SEMA4F: variants seen among roughly 807,000 people sequenced by gnomAD.
SEMA4F encodes the protein semaphorin-4F.
SEMA4F carries 51 observed loss-of-function variants against 78.4 expected under a neutral mutation model. The ratio of observed to expected loss-of-function variants is 0.65; its 90% confidence interval spans 0.52 to 0.82. The LOEUF is 0.82. Ranked by LOEUF, SEMA4F falls within the 40% of genes least tolerant of loss-of-function variation. The probability of loss-of-function intolerance (pLI) is 0.00; values close to 1 mark genes in which losing one functional copy is unlikely to be tolerated. For missense variants in SEMA4F, 938 were observed against 1,014.4 expected, an observed-to-expected ratio of 0.92 and a Z score of 1.02; for synonymous variants, 418 against 408.7, an observed-to-expected ratio of 1.02 and a Z score of -0.27.
At chr2:74,667,458 TACAA>T (rs998578445) in intron 5 of SEMA4F, among the ~76,000 whole-genome samples, 3 of 152,218 alleles carry the variant, frequency 2.0e-5, no homozygotes, top group Non-Finnish European at 4.4e-5. Context: ...AAGTAATATG[TACAA>T]ACAAACAGTG....
intron 12 of SEMA4F, among the ~76,000 whole-genome samples, chr2:74,678,339 G>A (rs1396106423): frequency 6.6e-6 from 1 of 152,162 alleles, no homozygotes; most frequent in Admixed American, 6.5e-5. Context: ...TCATCCAAGG[G>A]AGAAGAACAT....
downstream of SEMA4F, among the ~76,000 whole-genome samples, chr2:74,687,509 A>C (rs950492826): frequency 1.3e-5 from 2 of 152,326 alleles, no homozygotes; most frequent in Admixed American, 6.5e-5. Flanking sequence ...CAGTGCTTAG[A>C]ACAGTGAACA....
chr2:74,680,264 G>A lies in SEMA4F; in HGVS notation c.*55G>A. The A allele has an allele frequency of 6.6e-7, 1 of 1,506,184 alleles. No homozygotes were observed. Among genetic ancestry groups the A allele is most frequent in the Admixed American group, 2.2e-5 (1 of 45,086 alleles). 93.3% of individuals were successfully genotyped at this position (1,506,184 alleles called of 1,614,324 possible). Reference sequence around the variant, plus strand: ...TGATCACTGGAACGGAGTGACCACTGAGATGCTGGGGGTCACTGGGCCTGG... The same window carrying A: ...TGATCACTGGAACGGAGTGACCACTAAGATGCTGGGGGTCACTGGGCCTGG... On this transcript the variant is annotated 3_prime_UTR_variant, in exon 14 of 14. Transcript: ENST00000357877.
intron 4 of SEMA4F, among the ~76,000 whole-genome samples, chr2:74,659,025 G>A (rs1684299432): frequency 6.6e-6 from 1 of 152,132 alleles, no homozygotes. Flanking sequence ...TAGTCCCCCT[G>A]GGCTGCCTTG....
chr2:74,690,645 C>G, the SEMA4F span, among the ~76,000 whole-genome samples: 1 of 152,090 alleles, frequency 6.6e-6, no homozygotes, highest in African/African-American at 2.4e-5. Flanking sequence ...TACAATATGA[C>G]TATTTCTAAT....
chr2:74,693,151 T>C, the SEMA4F span, among the ~76,000 whole-genome samples: 1 of 152,256 alleles, frequency 6.6e-6, no homozygotes, highest in African/African-American at 2.4e-5. Flanking sequence ...AACTGCTTCT[T>C]CCATTTGATA....
chr2:74,707,649 G>T, the SEMA4F span, among the ~76,000 whole-genome samples: 1 of 152,128 alleles, frequency 6.6e-6, no homozygotes, highest in Non-Finnish European at 1.5e-5. Flanking sequence ...TCAAGACATG[G>T]ACATCAGGTG....
In SEMA4F at chr2:74,677,736, A is replaced by G. The variant is rs533195081; in HGVS notation, c.1644-1540A>G. ...CATATTTGTATACTACAGAACCTCAAGTATATACAAAATCCAGAATATTAC... is the reference window on the plus strand; with the variant it reads ...CATATTTGTATACTACAGAACCTCAGGTATATACAAAATCCAGAATATTAC... On this transcript the variant is annotated intron_variant, in intron 12 of 13. Transcript: ENST00000357877. 2.0e-5 allele frequency among the ~76,000 whole-genome samples: 3 copies of G among 152,346 alleles called. No homozygotes were observed. The East Asian group carries it at 5.8e-4, about 29-fold the overall frequency.
the SEMA4F span, among the ~76,000 whole-genome samples, chr2:74,699,420 G>A: frequency 6.6e-6 from 1 of 152,154 alleles, no homozygotes; most frequent in Non-Finnish European, 1.5e-5. Flanking sequence ...ACATGACATG[G>A]CTTCAGGAAC....
intron 1 of SEMA4F, among the ~76,000 whole-genome samples, chr2:74,655,952 A>T (rs550846977): frequency 1.3e-5 from 2 of 152,254 alleles, no homozygotes; most frequent in African/African-American, 4.8e-5. Flanking sequence ...AGGTAAATTC[A>T]TGCCAACTTA....
At chr2:74,694,340 C>G in the SEMA4F span, among the ~76,000 whole-genome samples, 1 of 152,064 alleles carries the variant, frequency 6.6e-6, no homozygotes, top group South Asian at 2.1e-4. Flanking sequence ...GGCCAGACAC[C>G]TTGGCAGGTG....
the SEMA4F span, among the ~76,000 whole-genome samples, chr2:74,696,245 G>C: frequency 2.1e-4 from 30 of 145,296 alleles, no homozygotes; most frequent in Admixed American, 2.0e-3. Flanking sequence ...GCCCAGGCTG[G>C]AGTGCAGTGG....
chr2:74,694,628 A>G, the SEMA4F span, among the ~76,000 whole-genome samples: 1 of 152,050 alleles, frequency 6.6e-6, no homozygotes, highest in Non-Finnish European at 1.5e-5. Context: ...CCTAATAGTT[A>G]AAAACAATAC....
the SEMA4F span, among the ~76,000 whole-genome samples, chr2:74,707,255 AAGAC>A: frequency 2.0e-5 from 3 of 152,216 alleles, no homozygotes; most frequent in African/African-American, 4.8e-5. Flanking sequence ...TTGTTCTTAA[AAGAC>A]AGATGCTGAA....
chr2:74,665,541 T>C (rs930298590), intron 5 of SEMA4F, among the ~76,000 whole-genome samples: 5 of 152,126 alleles, frequency 3.3e-5, no homozygotes, highest in Non-Finnish European at 7.4e-5. Flanking sequence ...TAAGTCACTC[T>C]TTAGTCTTAT....
the SEMA4F span, among the ~76,000 whole-genome samples, chr2:74,703,490 T>C: frequency 1.3e-5 from 2 of 152,156 alleles, no homozygotes; most frequent in Non-Finnish European, 1.5e-5. Context: ...GTGAAGCAAG[T>C]TTTCTTCCAT....
downstream of SEMA4F, among the ~76,000 whole-genome samples, chr2:74,686,379 G>T (rs1321751187): frequency 3.3e-5 from 5 of 152,190 alleles, no homozygotes; most frequent in Admixed American, 6.5e-5. Context: ...GATTACAGGC[G>T]TGAGCCACCA....
chr2:74,703,939 C>T, the SEMA4F span, among the ~76,000 whole-genome samples: 1 of 152,182 alleles, frequency 6.6e-6, no homozygotes, highest in East Asian at 1.9e-4. Context: ...CCCCAAAGAA[C>T]ACAGACACGA....
In SEMA4F at chr2:74,680,113, A is replaced by G. The variant is rs1403223766; in HGVS notation, c.2217A>G (p.Gly739=). 1 of 1,613,412 alleles carries G rather than the reference A, an allele frequency of 6.2e-7. No homozygotes were observed. ...ALAKRGSGFG[G]FSPPFLLDPC... Reference sequence around the variant, plus strand: ...CCAAGAGGGGCAGTGGCTTTGGTGGATTCTCACCACCCTTCCTGCTTGATC... The same window carrying G: ...CCAAGAGGGGCAGTGGCTTTGGTGGGTTCTCACCACCCTTCCTGCTTGATC... The change falls in exon 14 of 14, where the codon GGA becomes GGG. Residue 739 remains glycine (G), a synonymous_variant. Coordinates refer to ENST00000357877, the MANE Select transcript of SEMA4F (RefSeq NM_004263.5).
Sources: gnomAD v4.1 joint callset for allele counts (sites outside exome capture counted in the v4.1 genomes callset) on GRCh38, gnomAD v4.1.1 for gene constraint, MANE v1.5 for transcripts, NCBI Gene and HGNC (gene_info 2026-07-23, HGNC 2026-07-21) for gene names.